Variants in STAT4 observed in about 807,000 individuals in gnomAD.
The protein encoded by STAT4 is signal transducer and activator of transcription 4.
STAT4 carries 42 observed loss-of-function variants against 110.5 expected under a neutral mutation model. That is an observed-to-expected ratio of 0.38 (90% CI 0.30 to 0.49). The LOEUF (loss-of-function observed/expected upper bound fraction) is 0.49. STAT4 is among the 20% of genes least tolerant of loss of function. STAT4 has a pLI of 0.95. For missense variants in STAT4, 632 were observed against 887.9 expected (o/e 0.71, Z 3.66); for synonymous variants, 284 against 302.2 (o/e 0.94, Z 0.63).
chr2:191,066,648 T>C lies in STAT4; in HGVS notation c.545-133A>G. On this transcript the variant is annotated intron_variant, in intron 6 of 23. Coordinates refer to ENST00000392320, the MANE Select transcript of STAT4 (RefSeq NM_003151.4). The surrounding 1 kb of genome is among the most constrained non-coding windows in gnomAD (Gnocchi z 4.3). The stretch of plus-strand genomic sequence containing the variant: ...AGAGACTAATTGGGTTCACTAGAGG[T>C]GAGCTTGGAAGTCTGTCTGCTCATT... 1.5e-6 allele frequency: 1 copy of C among 688,320 alleles called. No individual in the cohort carries two copies. The highest frequency in any genetic ancestry group is 2.8e-5 in the East Asian group (1 of 35,992). The allele number at this position is 688,320 out of a possible 1,614,324, so 42.6% of individuals were successfully genotyped here.
At chr2:191,128,810 C>T (rs1011480876) in intron 3 of STAT4, among the ~76,000 whole-genome samples, 3 of 152,180 alleles carry the variant, frequency 2.0e-5, no homozygotes, top group Admixed American at 6.5e-5. Flanking sequence ...AACACCAAAA[C>T]GCTGAGCAGA....
rs958738017 is a variant in STAT4, at chr2:191,146,153, C to A, written c.273+460G>T. Among the ~76,000 whole-genome samples the A allele has an allele frequency of 6.6e-6, 1 of 152,122 alleles. No homozygotes were observed. Among genetic ancestry groups the A allele is most frequent in the African/African-American group, 2.4e-5 (1 of 41,422 alleles). Reference sequence around the variant, plus strand: ...CAGAGATGGGCTCTGCCTGGGTGAACCAGAGAGTACCAAAGAACACTTTTA... The same window carrying A: ...CAGAGATGGGCTCTGCCTGGGTGAAACAGAGAGTACCAAAGAACACTTTTA... On this transcript the variant is annotated intron_variant, in intron 3 of 23. Transcript: ENST00000392320. This position sits in a 1 kb window ranked among gnomAD's most constrained non-coding sequence, Gnocchi z 4.5.
At position 191,039,561 on chromosome 2, in the gene STAT4, C is replaced by T. The variant is rs3024881; in HGVS notation, c.1336-264G>A. On this transcript the variant is annotated intron_variant, in intron 15 of 23. Coordinates refer to ENST00000392320, the MANE Select transcript of STAT4 (RefSeq NM_003151.4). This position sits in a 1 kb window ranked among gnomAD's most constrained non-coding sequence, Gnocchi z 4.7. ...CTTCCCAGTATCTCCCCTGACATTG[C>T]GGACACATTTATACTTTTTAAATGT... Among the ~76,000 whole-genome samples, 1,196 of 152,278 alleles carry T rather than the reference C, an allele frequency of 7.9e-3. 16 individuals carry two copies. Among genetic ancestry groups the T allele is most frequent in the African/African-American group, 0.027 (1,132 of 41,544 alleles).
At chr2:191,056,154 T>C (rs1251613185) in intron 13 of STAT4, among the ~76,000 whole-genome samples, 2 of 152,252 alleles carry the variant, frequency 1.3e-5, no homozygotes, top group East Asian at 3.8e-4. Context: ...TAGACTTTTA[T>C]CATTTTAACA....
At chr2:191,048,097 T>G (rs1320033968) in intron 14 of STAT4, among the ~76,000 whole-genome samples, 1 of 152,224 alleles carries the variant, frequency 6.6e-6, no homozygotes, top group African/African-American at 2.4e-5. Context: ...AAACCAGGAT[T>G]CCACAGACAG....
At chr2:191,045,650 T>C (rs1422040631) in intron 14 of STAT4, among the ~76,000 whole-genome samples, 2 of 152,226 alleles carry the variant, frequency 1.3e-5, no homozygotes, top group Non-Finnish European at 2.9e-5. Context: ...AAAAACAGTC[T>C]AATGTGATGA....
At chr2:191,073,655 G>C (rs760701843) in intron 4 of STAT4, among the ~76,000 whole-genome samples, 4 of 151,968 alleles carry the variant, frequency 2.6e-5, no homozygotes, top group Non-Finnish European at 5.9e-5. Context: ...GTGCCACTGC[G>C]CTCCAGCCTG....
chr2:191,094,662 C>A (rs1697909887), intron 3 of STAT4, among the ~76,000 whole-genome samples: 1 of 152,074 alleles, frequency 6.6e-6, no homozygotes, highest in Non-Finnish European at 1.5e-5. Context: ...ACCATTGATG[C>A]TAGGAAGAAA....
At position 191,053,341 on chromosome 2, in the gene STAT4, G is replaced by A. The variant is rs1288441940; in HGVS notation, c.1251+1149C>T. Among the ~76,000 whole-genome samples the A allele has an allele frequency of 6.6e-6, 1 of 152,058 alleles. No homozygotes were observed. The highest frequency in any genetic ancestry group is 1.9e-4 in the East Asian group (1 of 5,198). On this transcript the variant is annotated intron_variant, in intron 14 of 23. Coordinates refer to ENST00000392320, the MANE Select transcript of STAT4 (RefSeq NM_003151.4). This position sits in a 1 kb window ranked among gnomAD's most constrained non-coding sequence, Gnocchi z 4.5. ...GCATGACTATCCTGCTCTCTTAGAG[G>A]AAAAAAATGCAGTATTTCCTCATCA...
Position 191,107,496 on chromosome 2 carries a change from G to A in STAT4, c.274-31171C>T, listed in dbSNP as rs1242448078. Among the ~76,000 whole-genome samples, 6 of 152,322 alleles carry A rather than the reference G, an allele frequency of 3.9e-5. No individual in the cohort carries two copies. Among genetic ancestry groups the A allele is most frequent in the African/African-American group, 1.4e-4 (6 of 41,576 alleles). On this transcript the variant is annotated intron_variant, in intron 3 of 23. Coordinates refer to ENST00000392320, the MANE Select transcript of STAT4 (RefSeq NM_003151.4). The surrounding 1 kb of genome is among the most constrained non-coding windows in gnomAD (Gnocchi z 4.2). ...CCCCATTTTACACAGAAGATAAAGA[G>A]AGCAAGGTTCAGGGGAGGCTGGGTT...
Position 191,032,936 on chromosome 2 carries a change from AAAAC to A in STAT4, c.2044+18_2044+21del, listed in dbSNP as rs1433348324. 6 of 1,575,774 alleles carry A rather than the reference AAAAC, an allele frequency of 3.8e-6. No homozygotes were observed. The highest frequency in any genetic ancestry group is 2.0e-5 in the Admixed American group (1 of 49,002). On this transcript the variant is annotated intron_variant, in intron 21 of 23. Coordinates refer to ENST00000392320, the MANE Select transcript of STAT4 (RefSeq NM_003151.4). The surrounding 1 kb of genome is among the most constrained non-coding windows in gnomAD (Gnocchi z 4.9). ...CCAAAATCTTAAGGAAAAAAAAACA[AAAAC>A]AAACAGAAAAACCTAACCTTCGCAA...
chr2:191,065,185 T>G (rs969650600), intron 7 of STAT4, among the ~76,000 whole-genome samples: 1 of 152,214 alleles, frequency 6.6e-6, no homozygotes, highest in Non-Finnish European at 1.5e-5. Flanking sequence ...ATTCTCATCG[T>G]GTTTCAGTAT....
intron 14 of STAT4, among the ~76,000 whole-genome samples, chr2:191,054,261 G>A (rs541469063): frequency 6.6e-4 from 101 of 152,128 alleles, no homozygotes; most frequent in Middle Eastern, 6.8e-3. Context: ...ATACCAAGAT[G>A]TTAATAGTTA....
chr2:191,031,526 A>G lies in STAT4; in HGVS notation c.2045-10T>C, dbSNP rs1695893356. The G allele has an allele frequency of 1.2e-6, 2 of 1,611,704 alleles. No homozygotes were observed. ...TCTGTTGGTCTTGAAACTGGAAAAC[A>G]AAAAGGCACAATGTTGGGGAAAAAA... On this transcript the variant is annotated splice_polypyrimidine_tract_variant and intron_variant, in intron 21 of 23. Transcript: ENST00000392320. The surrounding 1 kb of genome is among the most constrained non-coding windows in gnomAD (Gnocchi z 4.8).
At chr2:191,136,016 AAAAAAACCAAAAAAC>A (rs1699171231) in intron 3 of STAT4, among the ~76,000 whole-genome samples, 1 of 128,172 alleles carries the variant, frequency 7.8e-6, no homozygotes, top group South Asian at 2.8e-4. Context: ...AAAAAAAAAA[AAAAAAACCAAAAAAC>A]AAAAAACCAA....
Position 191,030,834 on chromosome 2 carries a change from T to A in STAT4, c.2220+138A>T. 1 of 735,554 alleles carries A rather than the reference T, an allele frequency of 1.4e-6. No homozygotes were observed. Among genetic ancestry groups the A allele is most frequent in the Non-Finnish European group, 2.3e-6 (1 of 433,492 alleles). 45.6% of individuals were successfully genotyped at this position (735,554 alleles called of 1,614,324 possible). On this transcript the variant is annotated intron_variant, in intron 23 of 23. Transcript: ENST00000392320. The surrounding 1 kb of genome is among the most constrained non-coding windows in gnomAD (Gnocchi z 4.4). The stretch of plus-strand genomic sequence containing the variant: ...CACGCAGGACCATCCAGACACCTTT[T>A]GTGTTATGCTCATGAATTTGTTCCA...
rs927963578 is a variant in STAT4 at position 191,135,138 on chromosome 2, A to G, written c.273+11475T>C. Among the ~76,000 whole-genome samples the G allele has an allele frequency of 5.3e-5, 8 of 152,292 alleles. No homozygotes were observed. The highest frequency in any genetic ancestry group is 4.6e-4 in the Admixed American group (7 of 15,306). On this transcript the variant is annotated intron_variant, in intron 3 of 23. Coordinates refer to ENST00000392320, the MANE Select transcript of STAT4 (RefSeq NM_003151.4). This position sits in a 1 kb window ranked among gnomAD's most constrained non-coding sequence, Gnocchi z 4.8. ...GAAAAACTAGTTGTTTTGAAAAGAT[A>G]AAATCAATAAACAACTTGCTAGACT... is the stretch of plus-strand genomic sequence containing the variant.
At chr2:191,131,002 A>C (rs570316022) in intron 3 of STAT4, among the ~76,000 whole-genome samples, 68 of 151,928 alleles carry the variant, frequency 4.5e-4, no homozygotes, top group Admixed American at 3.9e-3. Flanking sequence ...AATTAGAAAA[A>C]TAATAAAAAG....
chr2:191,085,171 T>C (rs1697603971), intron 3 of STAT4, among the ~76,000 whole-genome samples: 1 of 151,920 alleles, frequency 6.6e-6, no homozygotes. Flanking sequence ...TCTGCTCTTT[T>C]GAAATCTTTG....
Sources: gnomAD v4.1 joint callset for allele counts (sites outside exome capture counted in the v4.1 genomes callset) on GRCh38, gnomAD v4.1.1 for gene constraint, Gnocchi (gnomAD v3.1) non-coding constraint, MANE v1.5 for transcripts, NCBI Gene and HGNC (gene_info 2026-07-23, HGNC 2026-07-21) for gene names.